Variants in NFATC1 observed in about 807,000 individuals in gnomAD.
The protein encoded by NFATC1 is nuclear factor of activated T cells 1, also known as nuclear factor of activated T-cells, cytoplasmic 1.
Under a neutral mutation model 76.0 loss-of-function variants are expected in NFATC1, and 22 were observed. The ratio of observed to expected loss-of-function variants is 0.29; its 90% CI spans 0.21 to 0.41. NFATC1 has a LOEUF of 0.41. Ranked by LOEUF, NFATC1 falls within the 10% of genes least tolerant of loss-of-function variation. The pLI, the probability that NFATC1 is intolerant of heterozygous loss-of-function variation, is 1.00. For missense variants in NFATC1, 1,357 were observed against 1,337.7 expected, an observed-to-expected ratio of 1.01 and a Z score of -0.23; for synonymous variants, 704 against 613.1, an observed-to-expected ratio of 1.15 and a Z score of -2.19.
intron 8 of NFATC1, among the ~76,000 whole-genome samples, chr18:79,474,290 GCTCA>G (rs1569006048): frequency 7.9e-6 from 1 of 126,124 alleles, no homozygotes; most frequent in Non-Finnish European, 1.6e-5. Flanking sequence ...GTGTTCTCAC[GCTCA>G]CTGTCGACAT....
chr18:79,405,885 G>C (rs921499488), intron 1 of NFATC1, among the ~76,000 whole-genome samples: 1 of 152,168 alleles, frequency 6.6e-6, no homozygotes, highest in African/African-American at 2.4e-5. Flanking sequence ...TGCACTTCCT[G>C]CTCTCGCTGT....
chr18:79,495,199 C>T (rs181265204), intron 9 of NFATC1, among the ~76,000 whole-genome samples: 1 of 152,360 alleles, frequency 6.6e-6, no homozygotes, highest in Non-Finnish European at 1.5e-5. Flanking sequence ...GGCTGTGAGG[C>T]CACAGTGCCT....
chr18:79,432,868 AGGGGCCGT>A (rs2086647781), intron 2 of NFATC1, among the ~76,000 whole-genome samples: 1 of 152,174 alleles, frequency 6.6e-6, no homozygotes, highest in Non-Finnish European at 1.5e-5. Context: ...CTGAAAAGAC[AGGGGCCGT>A]GGGGCCCCCA....
intron 2 of NFATC1, among the ~76,000 whole-genome samples, chr18:79,423,245 A>T (rs1326719669): frequency 1.3e-5 from 2 of 152,194 alleles, no homozygotes; most frequent in Non-Finnish European, 2.9e-5. Context: ...TTTAAAACAA[A>T]ACCTCTGCAC....
chr18:79,498,325 T>C (rs954754006), intron 9 of NFATC1: 8 of 146,508 alleles, frequency 5.5e-5, no homozygotes, highest in Admixed American at 1.4e-4. Flanking sequence ...TCTTACCAGA[T>C]AGAGAATATC....
intron 2 of NFATC1, among the ~76,000 whole-genome samples, chr18:79,424,957 C>T (rs1198188996): frequency 6.8e-6 from 1 of 146,586 alleles, no homozygotes; most frequent in Non-Finnish European, 1.5e-5. Flanking sequence ...CTCTCTGTGT[C>T]TGTCTCTCCG....
intron 1 of NFATC1, among the ~76,000 whole-genome samples, chr18:79,404,382 C>G (rs560405541): frequency 6.6e-6 from 1 of 152,356 alleles, no homozygotes; most frequent in African/African-American, 2.4e-5. Flanking sequence ...TCTGTCATGC[C>G]GCGGGCCTGA....
intron 9 of NFATC1, among the ~76,000 whole-genome samples, chr18:79,499,461 G>C (rs181807610): frequency 1.3e-5 from 2 of 152,228 alleles, no homozygotes; most frequent in East Asian, 3.9e-4. Flanking sequence ...AATGACAACA[G>C]CAAAAGTTAC....
intron 3 of NFATC1, among the ~76,000 whole-genome samples, chr18:79,439,150 G>C (rs938268057): frequency 1.3e-5 from 2 of 152,196 alleles, no homozygotes; most frequent in East Asian, 3.8e-4. Flanking sequence ...GTTCCACGCA[G>C]GGCCTCATCC....
chr18:79,438,655 A>G (rs1024805338), intron 3 of NFATC1, among the ~76,000 whole-genome samples: 3 of 152,256 alleles, frequency 2.0e-5, no homozygotes, highest in Admixed American at 2.0e-4. Context: ...GAGAAGGGCC[A>G]ACTGAGTCTG....
At chr18:79,469,381 C>T (rs2088681065) in intron 8 of NFATC1, 3 of 985,478 alleles carry the variant, frequency 3.0e-6, no homozygotes, top group Middle Eastern at 5.2e-4. Context: ...GATCACGTAT[C>T]TCAGAGGCAG....
chr18:79,473,521 G>A (rs1428344016), intron 8 of NFATC1, among the ~76,000 whole-genome samples: 1 of 150,780 alleles, frequency 6.6e-6, no homozygotes, highest in Non-Finnish European at 1.5e-5. Flanking sequence ...CCTGAGGGAA[G>A]CGTGTTCTCG....
At chr18:79,401,063 C>G (rs73007650) in intron 1 of NFATC1, among the ~76,000 whole-genome samples, 2,400 of 144,536 alleles carry the variant, frequency 0.017, 35 homozygotes, top group Non-Finnish European at 0.028. Context: ...TTTCTCTTCT[C>G]TGTGTCAGAA....
rs56152562 is a variant in NFATC1, at chr18:79,426,233, T to A, written c.1227-7346T>A. Among the ~76,000 whole-genome samples the A allele has an allele frequency of 7.3e-5, 11 of 150,940 alleles. No individual in the cohort carries two copies. The South Asian group carries it at 2.3e-3, about 31-fold the overall frequency. On this transcript the variant is annotated intron_variant, in intron 2 of 9. Transcript: ENST00000427363. The stretch of plus-strand genomic sequence containing the variant: ...ATCAGACAGTGATCATTTCAGGATA[T>A]GTCTTTTTTTTTTTTTCCTCCCCCT...
In NFATC1 at chr18:79,462,936, G is replaced by A. The variant is rs560878941; in HGVS notation, c.1959+1570G>A. On this transcript the variant is annotated intron_variant, in intron 7 of 9. Coordinates refer to ENST00000427363, the MANE Select transcript of NFATC1 (RefSeq NM_001278669.2). The stretch of plus-strand genomic sequence containing the variant: ...GCTGGAGGCAGGTGGACAGGACACC[G>A]GGGAGGAGTCTTGAGGTCGTCTCCT... Among the ~76,000 whole-genome samples the A allele has an allele frequency of 6.6e-5, 10 of 152,286 alleles. No homozygotes were observed. In the East Asian group the frequency reaches 1.4e-3, roughly 21 times the overall value.
rs1600713952 is a variant in NFATC1 at position 79,438,707 on chromosome 18, G to A, written c.1386+4969G>A. 1.3e-5 allele frequency among the ~76,000 whole-genome samples: 2 copies of A among 152,180 alleles called. 1 individual carries two copies. The highest frequency in any genetic ancestry group is 4.1e-4 in the South Asian group (2 of 4,838). On this transcript the variant is annotated intron_variant, in intron 3 of 9. Transcript: ENST00000427363. ...GGTGGTCTGGGATCCTGCCTCAGCC[G>A]CGCGGGTGAGAGGGGCGGGCGGGTC...
At chr18:79,462,208 T>G (rs1475142734) in intron 7 of NFATC1, among the ~76,000 whole-genome samples, 1 of 152,218 alleles carries the variant, frequency 6.6e-6, no homozygotes. Flanking sequence ...CCTGCGCTTC[T>G]GATCCATGTG....
At chr18:79,491,565 C>CAGCCCCG (rs1250135717) in intron 9 of NFATC1, among the ~76,000 whole-genome samples, 1 of 152,210 alleles carries the variant, frequency 6.6e-6, no homozygotes, top group Admixed American at 6.5e-5. Context: ...ACCTCCTGGC[C>CAGCCCCG]AGCCCCGAGC....
At chr18:79,404,382 C>T (rs560405541) in intron 1 of NFATC1, among the ~76,000 whole-genome samples, 8 of 152,238 alleles carry the variant, frequency 5.3e-5, no homozygotes, top group Non-Finnish European at 1.0e-4. Flanking sequence ...TCTGTCATGC[C>T]GCGGGCCTGA....
Sources: allele counts gnomAD v4.1 joint callset (sites outside exome capture counted in the v4.1 genomes callset), GRCh38; gene constraint gnomAD v4.1.1; transcripts MANE v1.5; gene names NCBI Gene and HGNC (gene_info 2026-07-23, HGNC 2026-07-21).